PSMG4: variants seen among roughly 807,000 people sequenced by gnomAD.
PSMG4 encodes the protein proteasome assembly chaperone 4.
A neutral mutation model predicts 11.0 loss-of-function variants in PSMG4; 10 were observed. That is an observed-to-expected ratio of 0.91 (90% CI 0.56 to 1.54). PSMG4 has a LOEUF of 1.54. Ranked by LOEUF, PSMG4 falls within the 40% of genes most tolerant of loss-of-function variation. The probability of loss-of-function intolerance (pLI) is 0.00; values close to 1 mark genes in which losing one functional copy is unlikely to be tolerated. For synonymous variants in PSMG4, 95 were observed against 71.3 expected, an observed-to-expected ratio of 1.33 and a Z score of -1.68; for missense variants, 198 against 160.9, an observed-to-expected ratio of 1.23 and a Z score of -1.25.
In PSMG4 at chr6:3,259,168, A is replaced by C; in HGVS notation, c.146A>C (p.Asn49Thr). 7.7e-7 allele frequency: 1 copy of C among 1,305,032 alleles called. No individual in the cohort carries two copies. Among genetic ancestry groups the C allele is most frequent in the African/African-American group, 1.5e-5 (1 of 64,522 alleles). 80.8% of individuals were successfully genotyped at this position (1,305,032 alleles called of 1,614,324 possible). The change falls in exon 1 of 3, where the codon AAC becomes ACC. Residue 49 changes from asparagine (N) to threonine (T), a missense_variant. Coordinates refer to ENST00000438998, the MANE Select transcript of PSMG4 (RefSeq NM_001128591.2). The part of the protein sequence containing the change: ...LWVGATPHLR[N>T]LAVAMCSRYD... ...GTGGGGGCCACGCCGCACCTGCGCA[A>C]CCTCGCCGTGGCCATGTGCAGCCGC...
intron 1 of PSMG4, among the ~76,000 whole-genome samples, chr6:3,259,909 C>T (rs1343369693): frequency 1.3e-5 from 2 of 152,178 alleles, no homozygotes; most frequent in Non-Finnish European, 2.9e-5. Context: ...TAAGAAAGTG[C>T]CACAGACCGC....
At chr6:3,267,551 A>G (rs1758244759) in intron 2 of PSMG4, 40 bp from the exon 3 acceptor site, 1 of 1,546,744 alleles carries the variant, frequency 6.5e-7, no homozygotes, top group Non-Finnish European at 8.7e-7. Context: ...GGCCTGCAGT[A>G]TTTCAGGAGT....
chr6:3,255,186 T>TG, upstream of PSMG4: 1 of 1,550,664 alleles, frequency 6.4e-7, no homozygotes, highest in Non-Finnish European at 8.7e-7. Flanking sequence ...TGCGCTCTGG[T>TG]GGAAGTAGGA....
At chr6:3,254,584 C>T (rs192623452), upstream of PSMG4, among the ~76,000 whole-genome samples, 345 of 151,942 alleles carry the variant, frequency 2.3e-3, 1 homozygote, top group Non-Finnish European at 4.3e-3. Context: ...GGGAACCCAA[C>T]GATGGAAGTA....
At chr6:3,258,928 GCTCGGTCT>G, upstream of PSMG4, 3 of 1,166,046 alleles carry the variant, frequency 2.6e-6, no homozygotes, top group Non-Finnish European at 3.2e-6. Context: ...GCGAAAGCGC[GCTCGGTCT>G]CTCGGTGCTC....
intron 2 of PSMG4, chr6:3,266,216 C>T (rs1758176597): frequency 1.3e-5 from 2 of 151,646 alleles, no homozygotes; most frequent in Non-Finnish European, 1.5e-5. Context: ...TGGGCCTGCG[C>T]CTGCACCTGC....
At chr6:3,254,734 C>T (rs1277721672), upstream of PSMG4, among the ~76,000 whole-genome samples, 1 of 152,096 alleles carries the variant, frequency 6.6e-6, no homozygotes, top group Non-Finnish European at 1.5e-5. Flanking sequence ...AAAACAAACT[C>T]CCCCTGTGCC....
At chr6:3,263,477 T>C (rs1758067874) in intron 1 of PSMG4, among the ~76,000 whole-genome samples, 1 of 152,254 alleles carries the variant, frequency 6.6e-6, no homozygotes, top group Middle Eastern at 3.2e-3. Context: ...GCTTCATCTT[T>C]CCCAACTCCG....
chr6:3,258,984 C>T lies in PSMG4; in HGVS notation c.-39C>T. ...CTGGCGGGGCTGGCAGCGGCGAGGA[C>T]CCGGGTCTGGCGCTGTGGGCCGGGA... On this transcript the variant is annotated 5_prime_UTR_variant, in exon 1 of 3. Coordinates refer to ENST00000438998, the MANE Select transcript of PSMG4 (RefSeq NM_001128591.2). 8.1e-7 allele frequency: 1 copy of T among 1,237,950 alleles called. No homozygotes were observed. The highest frequency in any genetic ancestry group is 1.0e-6 in the Non-Finnish European group (1 of 990,278). The allele number at this position is 1,237,950 out of a possible 1,614,324, so 76.7% of individuals were successfully genotyped here. A position where few individuals can be genotyped will look rare whatever the true frequency, so the allele number is the denominator to read the frequency against.
chr6:3,260,721 C>A (rs1463049578), intron 1 of PSMG4, among the ~76,000 whole-genome samples: 3 of 151,972 alleles, frequency 2.0e-5, no homozygotes, highest in Non-Finnish European at 4.4e-5. Flanking sequence ...GTTAGGACTT[C>A]AACATATTTT....
At chr6:3,254,570 G>A (rs1188819411), upstream of PSMG4, among the ~76,000 whole-genome samples, 4 of 152,230 alleles carry the variant, frequency 2.6e-5, no homozygotes, top group South Asian at 2.1e-4. Context: ...GGGTTTGTGA[G>A]GCTGGGAACC....
chr6:3,267,894 G>A lies in PSMG4; in HGVS notation c.*182G>A. 1.8e-6 allele frequency: 1 copy of A among 549,512 alleles called. No homozygotes were observed. Among genetic ancestry groups the A allele is most frequent in the Admixed American group, 3.2e-5 (1 of 31,492 alleles). 34.0% of individuals were successfully genotyped at this position (549,512 alleles called of 1,614,324 possible). A position where few individuals can be genotyped will look rare whatever the true frequency, so the allele number is the denominator to read the frequency against. ...ATACTGACCCACCTGGTGAAGGAGA[G>A]GCAAAGTGGGCAGTATATACTTCCT... On this transcript the variant is annotated 3_prime_UTR_variant, in exon 3 of 3. Transcript: ENST00000438998.
intron 2 of PSMG4, chr6:3,264,265 A>G: frequency 6.4e-7 from 1 of 1,551,442 alleles, no homozygotes; most frequent in Non-Finnish European, 8.7e-7. Context: ...GGGATTAAGC[A>G]AAGGTCATGA....
chr6:3,262,130 C>G (rs553786128), intron 1 of PSMG4, among the ~76,000 whole-genome samples: 1 of 152,164 alleles, frequency 6.6e-6, no homozygotes, highest in African/African-American at 2.4e-5. Context: ...GGAAGCTGGC[C>G]TGGGACCTGG....
chr6:3,259,695 G>C (rs1001832505), intron 1 of PSMG4, among the ~76,000 whole-genome samples: 3 of 152,200 alleles, frequency 2.0e-5, no homozygotes, highest in Non-Finnish European at 4.4e-5. Flanking sequence ...GAGCCTCGCA[G>C]TTGTCTTTGA....
chr6:3,262,134 G>T (rs996846722), intron 1 of PSMG4, among the ~76,000 whole-genome samples: 150 of 152,274 alleles, frequency 9.9e-4, no homozygotes, highest in African/African-American at 3.5e-3. Context: ...GCTGGCCTGG[G>T]ACCTGGGCCC....
At chr6:3,267,243 G>C (rs1758226007) in intron 2 of PSMG4, 1 of 206,558 alleles carries the variant, frequency 4.8e-6, no homozygotes, top group Non-Finnish European at 9.9e-6. Flanking sequence ...AGCAGTGCGG[G>C]GCACCTGCAG....
upstream of PSMG4, among the ~76,000 whole-genome samples, chr6:3,257,449 G>T (rs1225046306): frequency 6.6e-6 from 1 of 152,202 alleles, no homozygotes; most frequent in Non-Finnish European, 1.5e-5. Flanking sequence ...CTCTCCACCG[G>T]TCGGTAACTT....
intron 2 of PSMG4, chr6:3,264,219 G>A (rs1303432122): frequency 6.4e-7 from 1 of 1,551,624 alleles, no homozygotes; most frequent in East Asian, 2.4e-5. Flanking sequence ...GGCTCGGAGG[G>A]AAGACTGGCC....
Sources: allele counts gnomAD v4.1 joint callset (sites outside exome capture counted in the v4.1 genomes callset), GRCh38; gene constraint gnomAD v4.1.1; transcripts MANE v1.5; gene names NCBI Gene and HGNC (gene_info 2026-07-23, HGNC 2026-07-21).